Variants in TSPAN13 observed in about 807,000 individuals in gnomAD.
The protein encoded by TSPAN13 is tetraspanin 13.
In TSPAN13, 18 loss-of-function variants were observed where a neutral mutation model predicts 26.9. That is an observed-to-expected ratio of 0.67 (90% confidence interval 0.46 to 0.99). The LOEUF is 0.99. TSPAN13 is among the 50% of genes least tolerant of loss of function. The probability of loss-of-function intolerance (pLI) is 0.00; values close to 1 mark genes in which losing one functional copy is unlikely to be tolerated. For synonymous variants in TSPAN13, 116 were observed against 98.4 expected (o/e 1.18, Z -1.06); for missense variants, 201 against 249.6 (o/e 0.81, Z 1.31).
chr7:16,773,922 T>C (rs1402150614), intron 1 of TSPAN13, among the ~76,000 whole-genome samples: 2 of 152,192 alleles, frequency 1.3e-5, no homozygotes, highest in South Asian at 2.1e-4. Flanking sequence ...TGTTGGCAAA[T>C]GTGATGGTTG....
chr7:16,776,179 C>A, intron 1 of TSPAN13, 32 bp from the exon 2 acceptor site: 3 of 1,607,940 alleles, frequency 1.9e-6, no homozygotes, highest in Non-Finnish European at 2.6e-6. Context: ...TCTCTCTCGT[C>A]CTCTACCCCT....
In TSPAN13 at chr7:16,783,604, T is replaced by A. The variant is rs1007426581; in HGVS notation, c.*113T>A. 3 of 899,118 alleles carry A rather than the reference T, an allele frequency of 3.3e-6. No homozygotes were observed. Among genetic ancestry groups the A allele is most frequent in the Non-Finnish European group, 5.4e-6 (3 of 558,780 alleles). 55.7% of individuals were successfully genotyped at this position (899,118 alleles called of 1,614,324 possible). On this transcript the variant is annotated 3_prime_UTR_variant, in exon 6 of 6. Coordinates refer to ENST00000262067, the MANE Select transcript of TSPAN13 (RefSeq NM_014399.4). ...AGGAAACACTATCTGGAAAAGTACCTTATTGATAGTGGAATTATATATTTT... is the reference window on the plus strand; with the variant it reads ...AGGAAACACTATCTGGAAAAGTACCATATTGATAGTGGAATTATATATTTT...
intron 1 of TSPAN13, among the ~76,000 whole-genome samples, chr7:16,759,004 T>C (rs568014436): frequency 1.3e-5 from 2 of 152,164 alleles, no homozygotes; most frequent in Non-Finnish European, 2.9e-5. Context: ...TTTATATTTA[T>C]GGGGGTGGAC....
At chr7:16,783,250 C>T (rs10499475) in intron 5 of TSPAN13, among the ~76,000 whole-genome samples, 167 bp from the exon 6 acceptor site, 14 of 151,886 alleles carry the variant, frequency 9.2e-5, no homozygotes, top group African/African-American at 1.5e-4. Flanking sequence ...TTTCTCAGCG[C>T]CCGTCATTTG....
intron 5 of TSPAN13, among the ~76,000 whole-genome samples, chr7:16,781,434 T>A (rs1784812581): frequency 6.6e-6 from 1 of 152,236 alleles, no homozygotes; most frequent in South Asian, 2.1e-4. Flanking sequence ...TAATCAAAGT[T>A]ACCTTTGAAA....
intron 1 of TSPAN13, among the ~76,000 whole-genome samples, chr7:16,762,070 C>G (rs114635413): frequency 0.013 from 1,996 of 151,692 alleles, 39 homozygotes; most frequent in African/African-American, 0.045. Flanking sequence ...AATTTTGGTA[C>G]TAAAAAAAAA....
Position 16,776,271 on chromosome 7 carries a change from A to C in TSPAN13, c.124A>C (p.Ser42Arg). The stretch of plus-strand genomic sequence containing the variant: ...GGGCATTGGCTTCGGGCTGATTTCC[A>C]GTCTCCGAGTGGTCGGCGTGGTCAT... ...AWGIGFGLIS[S>R]LRVVGVVIAV... Residue 42 changes from serine (S) to arginine (R), a missense_variant, in exon 2 of 6, where the codon AGT becomes CGT. Ser to Arg is a moderately radical substitution (Grantham distance 110). Coordinates refer to ENST00000262067, the MANE Select transcript of TSPAN13 (RefSeq NM_014399.4). 1 of 1,613,604 alleles carries C rather than the reference A, an allele frequency of 6.2e-7. No homozygotes were observed. Among genetic ancestry groups the C allele is most frequent in the Non-Finnish European group, 8.5e-7 (1 of 1,179,856 alleles).
chr7:16,782,141 C>G (rs897252256), intron 5 of TSPAN13, among the ~76,000 whole-genome samples: 5 of 152,170 alleles, frequency 3.3e-5, no homozygotes, highest in African/African-American at 1.2e-4. Context: ...TCATAAAGAA[C>G]TCTTTGTTAT....
chr7:16,754,090 T>C (rs377460031), intron 1 of TSPAN13, 60 bp downstream of exon 1: 85 of 1,536,112 alleles, frequency 5.5e-5, no homozygotes, highest in African/African-American at 2.5e-4. Flanking sequence ...TGGGAGCTCT[T>C]TGGCTTCCCT....
intron 1 of TSPAN13, among the ~76,000 whole-genome samples, chr7:16,770,020 C>G (rs1784655650): frequency 6.6e-6 from 1 of 151,918 alleles, no homozygotes; most frequent in Non-Finnish European, 1.5e-5. Context: ...TGTTACTTTT[C>G]TCTCCTTTAA....
rs1249818292 is a variant in TSPAN13 at position 16,783,786 on chromosome 7, T to G, written c.*295T>G. ...TAGCATTTTTACCTGCAGAAAAACT[T>G]TGTATGGTACCACTGTGTTGGTTAT... is the stretch of plus-strand genomic sequence containing the variant. On this transcript the variant is annotated 3_prime_UTR_variant, in exon 6 of 6. Coordinates refer to ENST00000262067, the MANE Select transcript of TSPAN13 (RefSeq NM_014399.4). The G allele has an allele frequency of 4.8e-6, 2 of 412,888 alleles. No individual in the cohort carries two copies. Among genetic ancestry groups the G allele is most frequent in the African/African-American group, 4.0e-5 (2 of 50,374 alleles). 25.6% of individuals were successfully genotyped at this position (412,888 alleles called of 1,614,324 possible).
rs145444685 is a variant in TSPAN13 at position 16,783,861 on chromosome 7, T to C, written c.*370T>C. 8.7e-3 allele frequency: 1,632 copies of C among 187,220 alleles called. 15 individuals carry two copies. Among genetic ancestry groups the C allele is most frequent in the African/African-American group, 0.027 (1,154 of 43,044 alleles). The allele number at this position is 187,220 out of a possible 1,614,324, so 11.6% of individuals were successfully genotyped here. On this transcript the variant is annotated 3_prime_UTR_variant, in exon 6 of 6. Coordinates refer to ENST00000262067, the MANE Select transcript of TSPAN13 (RefSeq NM_014399.4). ...ACTGGTATAATTATATGTAGCACTG[T>C]GCTGTGTAGATAGTTCCTACTGGAA... is the stretch of plus-strand genomic sequence containing the variant.
intron 1 of TSPAN13, among the ~76,000 whole-genome samples, chr7:16,772,915 G>A (rs1784697256): frequency 1.3e-5 from 2 of 152,138 alleles, no homozygotes; most frequent in South Asian, 4.1e-4. Context: ...AGAATCACTT[G>A]AACGCGGGAG....
chr7:16,784,312 T>C lies in TSPAN13; in HGVS notation c.*821T>C, dbSNP rs1190327953. On this transcript the variant is annotated 3_prime_UTR_variant, in exon 6 of 6. Coordinates refer to ENST00000262067, the MANE Select transcript of TSPAN13 (RefSeq NM_014399.4). ...CGTTGGCCCACGTAGCAAAAAGATATTTGATTATCTTAAAAATTGTTAAAT... is the reference window on the plus strand; with the variant it reads ...CGTTGGCCCACGTAGCAAAAAGATACTTGATTATCTTAAAAATTGTTAAAT... 1 of 152,218 alleles carries C rather than the reference T, an allele frequency of 6.6e-6. No individual in the cohort carries two copies. 9.4% of individuals were successfully genotyped at this position (152,218 alleles called of 1,614,324 possible).
At chr7:16,781,527 G>C (rs1446841620) in intron 5 of TSPAN13, among the ~76,000 whole-genome samples, 1 of 152,152 alleles carries the variant, frequency 6.6e-6, no homozygotes, top group Non-Finnish European at 1.5e-5. Context: ...TTTGGATGTA[G>C]CCTTCCTTTC....
At position 16,754,040 on chromosome 7, in the gene TSPAN13, C is replaced by A. The variant is rs951785216; in HGVS notation, c.63+10C>A. 4 of 1,613,236 alleles carry A rather than the reference C, an allele frequency of 2.5e-6. No homozygotes were observed. Among genetic ancestry groups the A allele is most frequent in the Non-Finnish European group, 3.4e-6 (4 of 1,179,610 alleles). Reference sequence around the variant, plus strand: ...CAACCTGCTTTACACCGTGAGTATCCCCAGTCCGTTCCTGCTCGCTTGGGG... The same window carrying A: ...CAACCTGCTTTACACCGTGAGTATCACCAGTCCGTTCCTGCTCGCTTGGGG... On this transcript the variant is annotated intron_variant, in intron 1 of 5. Coordinates refer to ENST00000262067, the MANE Select transcript of TSPAN13 (RefSeq NM_014399.4).
chr7:16,755,338 T>G (rs1202641793), intron 1 of TSPAN13, among the ~76,000 whole-genome samples: 1 of 152,140 alleles, frequency 6.6e-6, no homozygotes, highest in African/African-American at 2.4e-5. Flanking sequence ...AAACAGGCAT[T>G]GAGTACGCTT....
intron 1 of TSPAN13, among the ~76,000 whole-genome samples, chr7:16,769,655 C>A (rs1351880047): frequency 6.6e-6 from 1 of 151,978 alleles, no homozygotes; most frequent in Non-Finnish European, 1.5e-5. Context: ...CTGGTTCTTA[C>A]CAATTTTAAT....
chr7:16,760,443 T>C (rs907559274), intron 1 of TSPAN13, among the ~76,000 whole-genome samples: 1 of 152,126 alleles, frequency 6.6e-6, no homozygotes, highest in African/African-American at 2.4e-5. Context: ...ATTGGCAGGA[T>C]AGATTTGCCG....
Sources: allele counts gnomAD v4.1 joint callset (sites outside exome capture counted in the v4.1 genomes callset), GRCh38; gene constraint gnomAD v4.1.1; transcripts MANE v1.5; gene names NCBI Gene and HGNC (gene_info 2026-07-23, HGNC 2026-07-21).